Variants in ATP8A1 observed in about 807,000 individuals in gnomAD.
The protein encoded by ATP8A1 is phospholipid-transporting ATPase IA.
A neutral mutation model predicts 177.7 loss-of-function variants in ATP8A1; 90 were observed. The observed-to-expected ratio is 0.51, with a 90% CI of 0.43 to 0.60. The LOEUF is 0.60. Ranked by LOEUF, ATP8A1 falls within the 20% of genes least tolerant of loss-of-function variation. The pLI is 0.00. For synonymous variants in ATP8A1, 493 were observed against 485.9 expected, an observed-to-expected ratio of 1.01 and a Z score of -0.19; for missense variants, 1,072 against 1,392.8, an observed-to-expected ratio of 0.77 and a Z score of 3.67.
chr4:42,511,243 G>T (rs1724974339), intron 22 of ATP8A1, among the ~76,000 whole-genome samples: 2 of 152,068 alleles, frequency 1.3e-5, no homozygotes, highest in African/African-American at 2.4e-5. Context: ...GCTATATAAT[G>T]ATCACTAGAA....
chr4:42,644,876 A>C (rs898716514), intron 1 of ATP8A1, among the ~76,000 whole-genome samples: 1 of 152,198 alleles, frequency 6.6e-6, no homozygotes. Flanking sequence ...AGACTGACGA[A>C]AATATACTCC....
intron 5 of ATP8A1, among the ~76,000 whole-genome samples, 186 bp downstream of exon 5, chr4:42,615,847 C>T (rs957710179): frequency 1.3e-5 from 2 of 152,168 alleles, no homozygotes; most frequent in Non-Finnish European, 1.5e-5. Flanking sequence ...AGTATTATCA[C>T]TATAAATCAC....
rs150907888 is a variant in ATP8A1 at position 42,544,106 on chromosome 4, C to T, written c.1653-120G>A. 6 of 742,674 alleles carry T rather than the reference C, an allele frequency of 8.1e-6. No homozygotes were observed. The East Asian group carries it at 1.4e-4, about 17-fold the overall frequency. 46.0% of individuals were successfully genotyped at this position (742,674 alleles called of 1,614,324 possible). A position where few individuals can be genotyped will look rare whatever the true frequency, so the allele number is the denominator to read the frequency against. ...AAAATAAATCTGACCAAATCATGAG[C>T]CCTAACCTTCCACATACACAAACTA... On this transcript the variant is annotated intron_variant, in intron 19 of 36. Transcript: ENST00000381668.
chr4:42,517,310 CA>C (rs1453758926), intron 22 of ATP8A1, among the ~76,000 whole-genome samples: 3 of 130,474 alleles, frequency 2.3e-5, no homozygotes, highest in African/African-American at 8.4e-5. Flanking sequence ...AAAAAAAAAA[CA>C]AATTCTGATT....
rs558625109 is a variant in ATP8A1, at chr4:42,421,722, C to G, written c.3305+1085G>C. Among the ~76,000 whole-genome samples the G allele has an allele frequency of 2.0e-5, 3 of 152,172 alleles. No individual in the cohort carries two copies. The South Asian group carries it at 6.2e-4, about 32-fold the overall frequency. On this transcript the variant is annotated intron_variant, in intron 35 of 36. Transcript: ENST00000381668. ...TCCATTGTGTCAAAATGGATAACAACAGTGAATCATGATTAAGGTGACATA... is the reference window on the plus strand; with the variant it reads ...TCCATTGTGTCAAAATGGATAACAAGAGTGAATCATGATTAAGGTGACATA...
At chr4:42,444,699 G>T in intron 31 of ATP8A1, 65 bp from the exon 32 acceptor site, 1 of 1,462,890 alleles carries the variant, frequency 6.8e-7, no homozygotes, top group Non-Finnish European at 9.5e-7. Context: ...ATGACTGAAG[G>T]ATTTATAAAG....
At chr4:42,630,166 T>C (rs1478748303) in intron 1 of ATP8A1, among the ~76,000 whole-genome samples, 1 of 152,214 alleles carries the variant, frequency 6.6e-6, no homozygotes, top group African/African-American at 2.4e-5. Context: ...ACCTGGGCAA[T>C]GCCTAAGCTG....
Position 42,573,762 on chromosome 4 carries a change from G to C in ATP8A1, c.1295+857C>G, listed in dbSNP as rs959076917. Among the ~76,000 whole-genome samples, 4 of 152,106 alleles carry C rather than the reference G, an allele frequency of 2.6e-5. No homozygotes were observed. The South Asian group carries it at 8.3e-4, about 32-fold the overall frequency. ...CAAAATGTAACACTCTTTGTCACTGGCTTACTGCTCAGAGTGAGTGGGGAA... is the reference window on the plus strand; with the variant it reads ...CAAAATGTAACACTCTTTGTCACTGCCTTACTGCTCAGAGTGAGTGGGGAA... On this transcript the variant is annotated intron_variant, in intron 14 of 36. Transcript: ENST00000381668.
At chr4:42,523,021 C>A (rs1383494753) in intron 21 of ATP8A1, among the ~76,000 whole-genome samples, 1 of 152,154 alleles carries the variant, frequency 6.6e-6, no homozygotes, top group Non-Finnish European at 1.5e-5. Context: ...ACTGGGAAAG[C>A]CACCTTCCTC....
At chr4:42,589,325 A>C (rs1733930576) in intron 7 of ATP8A1, among the ~76,000 whole-genome samples, 1 of 152,244 alleles carries the variant, frequency 6.6e-6, no homozygotes, top group South Asian at 2.1e-4. Context: ...AATCTCTTAT[A>C]AGCATGTGTA....
intron 20 of ATP8A1, 141 bp downstream of exon 20, chr4:42,543,776 A>AC (rs1253569341): frequency 3.5e-6 from 2 of 579,698 alleles, no homozygotes; most frequent in African/African-American, 3.8e-5. Flanking sequence ...GAGGCTGAAC[A>AC]CTATTACTAT....
chr4:42,413,017 T>C lies in ATP8A1; in HGVS notation c.3398-4A>G, dbSNP rs920781092. 3 of 1,611,404 alleles carry C rather than the reference T, an allele frequency of 1.9e-6. No homozygotes were observed. Among genetic ancestry groups the C allele is most frequent in the South Asian group, 1.1e-5 (1 of 90,950 alleles). On this transcript the variant is annotated splice_polypyrimidine_tract_variant and splice_region_variant and intron_variant, in intron 36 of 36. Coordinates refer to ENST00000381668, the MANE Select transcript of ATP8A1 (RefSeq NM_006095.2). ...TCTTGAGAGAACGCATACCCATCTGTAGGTTAATGATAAAACAGAAATTCT... is the reference window on the plus strand; with the variant it reads ...TCTTGAGAGAACGCATACCCATCTGCAGGTTAATGATAAAACAGAAATTCT...
chr4:42,654,035 C>T (rs1741382614), intron 1 of ATP8A1, among the ~76,000 whole-genome samples: 1 of 152,180 alleles, frequency 6.6e-6, no homozygotes, highest in Non-Finnish European at 1.5e-5. Context: ...ACATTCTTGT[C>T]AGAAATGTAG....
intron 15 of ATP8A1, among the ~76,000 whole-genome samples, chr4:42,560,364 G>A (rs1205132972): frequency 6.6e-6 from 1 of 151,846 alleles, no homozygotes; most frequent in African/African-American, 2.4e-5. Flanking sequence ...ATATGTTAAT[G>A]CATTGTGAAC....
intron 20 of ATP8A1, among the ~76,000 whole-genome samples, chr4:42,543,216 G>A (rs949888541): frequency 2.0e-5 from 3 of 151,976 alleles, no homozygotes; most frequent in Non-Finnish European, 4.4e-5. Flanking sequence ...TTCAATTTCC[G>A]AGTTTCTATG....
Position 42,583,468 on chromosome 4 carries a change from C to G in ATP8A1, c.723-1736G>C, listed in dbSNP as rs17447786. 8.4e-3 allele frequency among the ~76,000 whole-genome samples: 1,284 copies of G among 152,308 alleles called. 8 individuals are homozygous for G. Among genetic ancestry groups the G allele is most frequent in the Middle Eastern group, 0.02 (6 of 294 alleles). ...CTGGGACACACGTGTGACAACTGTT[C>G]CTTACCCAGCCAATGGGGTATAATA... On this transcript the variant is annotated intron_variant, in intron 9 of 36. Transcript: ENST00000381668.
At chr4:42,525,599 T>C (rs1726596285) in intron 20 of ATP8A1, among the ~76,000 whole-genome samples, 1 of 152,242 alleles carries the variant, frequency 6.6e-6, no homozygotes, top group African/African-American at 2.4e-5. Flanking sequence ...ACTTCATGCA[T>C]CACTTATGCT....
In ATP8A1 at chr4:42,587,330, C is replaced by T. The variant is rs575165788; in HGVS notation, c.595-854G>A. On this transcript the variant is annotated intron_variant, in intron 8 of 36. Transcript: ENST00000381668. ...CTTTTCTTTTTTTTTTTTTTTGAGA[C>T]GGAGTGTCACTCTGTCACCCAGGCT... Among the ~76,000 whole-genome samples the T allele has an allele frequency of 8.4e-3, 1,208 of 144,326 alleles. 8 individuals carry two copies. Among genetic ancestry groups the T allele is most frequent in the Middle Eastern group, 0.021 (6 of 280 alleles). The allele number at this position is 144,326 out of a possible 152,430, so 94.7% of individuals were successfully genotyped here. A position where few individuals can be genotyped will look rare whatever the true frequency, so the allele number is the denominator to read the frequency against.
rs150901897 is a variant in ATP8A1, at chr4:42,482,263, C to T, written c.2324+3233G>A. ...GTTGCAGTGAGCTGAGATCGCGCCA[C>T]TGCACTCTCCACCCTGGGTGACAGA... On this transcript the variant is annotated intron_variant, in intron 25 of 36. Coordinates refer to ENST00000381668, the MANE Select transcript of ATP8A1 (RefSeq NM_006095.2). 4.2e-3 allele frequency among the ~76,000 whole-genome samples: 638 copies of T among 151,778 alleles called. 4 individuals carry two copies. Among genetic ancestry groups the T allele is most frequent in the Non-Finnish European group, 5.7e-3 (386 of 67,964 alleles).
Sources: allele counts gnomAD v4.1 joint callset (sites outside exome capture counted in the v4.1 genomes callset), GRCh38; gene constraint gnomAD v4.1.1; transcripts MANE v1.5; gene names NCBI Gene and HGNC (gene_info 2026-07-23, HGNC 2026-07-21).